Variants in AIDA observed in about 807,000 individuals in gnomAD.
AIDA encodes the protein axin interactor, dorsalization associated.
A neutral mutation model predicts 42.7 loss-of-function variants in AIDA; 18 were observed. The ratio of observed to expected loss-of-function variants is 0.42; its 90% CI spans 0.29 to 0.63. The LOEUF (loss-of-function observed/expected upper bound fraction) is 0.63, where lower values mean the gene tolerates loss of function less well. AIDA is among the 20% of genes least tolerant of loss of function. AIDA has a pLI of 0.19. For missense variants in AIDA, 250 were observed against 354.1 expected (o/e 0.71, Z 2.36); for synonymous variants, 104 against 122.9 (o/e 0.85, Z 1.02).
At chr1:222,681,157 A>G (rs1008394037) in intron 6 of AIDA, among the ~76,000 whole-genome samples, 1 of 152,194 alleles carries the variant, frequency 6.6e-6, no homozygotes, top group Non-Finnish European at 1.5e-5. Flanking sequence ...GCAAAGGCCA[A>G]GCTGGATTTC....
intron 1 of AIDA, among the ~76,000 whole-genome samples, chr1:222,708,284 C>A (rs1022412612): frequency 3.3e-5 from 5 of 151,452 alleles, no homozygotes; most frequent in African/African-American, 4.9e-5. Flanking sequence ...GCACTCCAGC[C>A]TGGGCGACAG....
intron 2 of AIDA, among the ~76,000 whole-genome samples, chr1:222,699,938 T>C (rs1655642390): frequency 6.6e-6 from 1 of 152,066 alleles, no homozygotes; most frequent in South Asian, 2.1e-4. Flanking sequence ...CGCTGGCTAA[T>C]TTTTTGTATT....
At chr1:222,677,000 A>C (rs1041513422) in intron 6 of AIDA, among the ~76,000 whole-genome samples, 3 of 151,892 alleles carry the variant, frequency 2.0e-5, no homozygotes, top group Non-Finnish European at 4.4e-5. Context: ...AAAGAACCAC[A>C]TCTTTAGAAA....
Position 222,669,774 on chromosome 1 carries a change from C to T in AIDA, c.*119G>A. On this transcript the variant is annotated 3_prime_UTR_variant, in exon 10 of 10. Coordinates refer to ENST00000340020, the MANE Select transcript of AIDA (RefSeq NM_022831.4). ...AGCTTTGCATTGGACTCCGTCCGGC[C>T]TACTGGTCTGGGTACGGCTTGCTTC... 1 of 943,422 alleles carries T rather than the reference C, an allele frequency of 1.1e-6. No individual in the cohort carries two copies. The highest frequency in any genetic ancestry group is 1.6e-6 in the Non-Finnish European group (1 of 631,734). The allele number at this position is 943,422 out of a possible 1,614,324, so 58.4% of individuals were successfully genotyped here. A position where few individuals can be genotyped will look rare whatever the true frequency, so the allele number is the denominator to read the frequency against.
chr1:222,674,239 G>A (rs1664506947), intron 7 of AIDA, among the ~76,000 whole-genome samples: 1 of 152,130 alleles, frequency 6.6e-6, no homozygotes, highest in Non-Finnish European at 1.5e-5. Flanking sequence ...TGACCACAGA[G>A]GCATGTGGAG....
rs1401314000 is a variant in AIDA, at chr1:222,689,518, T to TAC, written c.290-1861_290-1860insGT. Among the ~76,000 whole-genome samples the TAC allele has an allele frequency of 3.4e-3, 233 of 68,958 alleles. 1 individual carries two copies. The highest frequency in any genetic ancestry group is 7.7e-3 in the African/African-American group (125 of 16,182). 45.2% of individuals were successfully genotyped at this position (68,958 alleles called of 152,430 possible). A position where few individuals can be genotyped will look rare whatever the true frequency, so the allele number is the denominator to read the frequency against. ...ATATATATATATATATATATATATA[T>TAC]ATACACACATACACACACACACATA... On this transcript the variant is annotated intron_variant, in intron 4 of 9. Coordinates refer to ENST00000340020, the MANE Select transcript of AIDA (RefSeq NM_022831.4).
chr1:222,693,248 A>G (rs1655419166), intron 4 of AIDA, among the ~76,000 whole-genome samples: 1 of 152,138 alleles, frequency 6.6e-6, no homozygotes, highest in South Asian at 2.1e-4. Flanking sequence ...TTTATATTCA[A>G]CTCTTGTGCA....
chr1:222,683,812 T>C (rs1664694418), intron 6 of AIDA, among the ~76,000 whole-genome samples: 1 of 152,212 alleles, frequency 6.6e-6, no homozygotes, highest in African/African-American at 2.4e-5. Flanking sequence ...ACTCCCATTT[T>C]GGCTAAGCCA....
At chr1:222,705,114 C>CA (rs1337190297) in intron 1 of AIDA, among the ~76,000 whole-genome samples, 2 of 152,108 alleles carry the variant, frequency 1.3e-5, no homozygotes, top group African/African-American at 2.4e-5. Context: ...TAATTAGCTT[C>CA]AAAAAAACTT....
At position 222,673,391 on chromosome 1, in the gene AIDA, C is replaced by G; in HGVS notation, c.628G>C (p.Ala210Pro). 6.2e-7 allele frequency: 1 copy of G among 1,609,712 alleles called. No individual in the cohort carries two copies. The highest frequency in any genetic ancestry group is 8.5e-7 in the Non-Finnish European group (1 of 1,177,622). ...ACATATGTATCTTCTTTTCTTGAAG[C>G]CACAGGAGTATCTTGCACAGGAGTT... is the stretch of plus-strand genomic sequence containing the variant. ...DLTPVQDTPV[A>P]SRKEDTYVHF... Residue 210 changes from alanine (A) to proline (P), a missense_variant, in exon 8 of 10, where the codon GCT becomes CCT. This residue lies in a region of AIDA where 199 missense variants were observed against 232.6 expected (regional missense o/e 0.86). Transcript: ENST00000340020.
At chr1:222,674,051 C>T (rs925498421) in intron 7 of AIDA, among the ~76,000 whole-genome samples, 1 of 152,190 alleles carries the variant, frequency 6.6e-6, no homozygotes, top group African/African-American at 2.4e-5. Flanking sequence ...CGCGCCACTG[C>T]ACTCCAGCCT....
intron 2 of AIDA, among the ~76,000 whole-genome samples, chr1:222,698,899 C>G (rs1655599365): frequency 6.6e-6 from 1 of 152,110 alleles, no homozygotes. Context: ...GATCTTGGTT[C>G]ACTGCAAGCT....
At chr1:222,691,182 G>A (rs904334180) in intron 4 of AIDA, among the ~76,000 whole-genome samples, 1 of 152,214 alleles carries the variant, frequency 6.6e-6, no homozygotes, top group Non-Finnish European at 1.5e-5. Context: ...GGCAGCTGTA[G>A]GGAAAGGGCT....
intron 6 of AIDA, among the ~76,000 whole-genome samples, chr1:222,682,330 C>G (rs1380001524): frequency 1.3e-5 from 2 of 152,040 alleles, no homozygotes; most frequent in Non-Finnish European, 2.9e-5. Context: ...CAGAAAATTA[C>G]TAAGGATTGT....
At chr1:222,692,444 T>C (rs1274249821) in intron 4 of AIDA, among the ~76,000 whole-genome samples, 1 of 152,212 alleles carries the variant, frequency 6.6e-6, no homozygotes, top group Non-Finnish European at 1.5e-5. Context: ...ATGTGTTCTC[T>C]TTGCCACTGA....
At chr1:222,686,848 C>A (rs1571930660) in intron 6 of AIDA, 82 bp downstream of exon 6, 3 of 1,510,028 alleles carry the variant, frequency 2.0e-6, no homozygotes, top group Non-Finnish European at 1.8e-6. Context: ...TACTGCCCCA[C>A]TAGCAAATAC....
intron 1 of AIDA, among the ~76,000 whole-genome samples, chr1:222,708,466 C>T (rs978216247): frequency 6.6e-6 from 1 of 151,824 alleles, no homozygotes; most frequent in Non-Finnish European, 1.5e-5. Context: ...TTCCCAGGTT[C>T]GAGCGATTCT....
At chr1:222,673,784 A>C (rs1055539268) in intron 7 of AIDA, among the ~76,000 whole-genome samples, 10 of 150,816 alleles carry the variant, frequency 6.6e-5, no homozygotes. Context: ...TCTCAAAAAA[A>C]CAAAAACCTG....
chr1:222,690,313 G>C, intron 4 of AIDA, among the ~76,000 whole-genome samples: 1 of 152,196 alleles, frequency 6.6e-6, no homozygotes, highest in East Asian at 1.9e-4. Context: ...TTCTGGCTGT[G>C]ACCAATCTGT....
Sources: gnomAD v4.1 joint callset for allele counts (sites outside exome capture counted in the v4.1 genomes callset) on GRCh38, gnomAD v4.1.1 for gene constraint, gnomAD v4.1.1 regional missense constraint, MANE v1.5 for transcripts, NCBI Gene and HGNC (gene_info 2026-07-23, HGNC 2026-07-21) for gene names.